The following PCDH15 variants were observed in gnomAD, a reference collection of about 807,000 sequenced individuals.
The protein encoded by PCDH15 is protocadherin-15.
Under a neutral mutation model 178.5 loss-of-function variants are expected in PCDH15, and 129 were observed. The observed-to-expected ratio is 0.72, with a 90% CI of 0.63 to 0.84. The LOEUF is 0.84. PCDH15 is among the 40% of genes least tolerant of loss of function. The pLI, the probability that PCDH15 is intolerant of heterozygous loss-of-function variation, is 0.00. For missense variants in PCDH15, 2,230 were observed against 2,099.9 expected, an observed-to-expected ratio of 1.06 and a Z score of -1.21; for synonymous variants, 800 against 732.0, an observed-to-expected ratio of 1.09 and a Z score of -1.50.
At chr10:55,254,058 A>G (rs1156948946) in intron 1 of PCDH15, among the ~76,000 whole-genome samples, 1 of 152,142 alleles carries the variant, frequency 6.6e-6, no homozygotes, top group African/African-American at 2.4e-5. Flanking sequence ...AAGCTACTTG[A>G]TTGTTACTGG....
intron 3 of PCDH15, among the ~76,000 whole-genome samples, chr10:54,462,680 AT>A (rs767750465): frequency 0.027 from 1,489 of 56,148 alleles, 22 homozygotes; most frequent in African/African-American, 0.09. Flanking sequence ...CACCTGCTTA[AT>A]TTTTTTTTTT....
chr10:54,110,318 TAA>T (rs35932845), intron 15 of PCDH15, among the ~76,000 whole-genome samples: 12 of 135,694 alleles, frequency 8.8e-5, no homozygotes, highest in Non-Finnish European at 1.1e-4. Context: ...GTGGAAAGAT[TAA>T]AAAAAAAAAA....
intron 1 of PCDH15, among the ~76,000 whole-genome samples, chr10:54,724,190 G>C (rs1942102428): frequency 6.6e-6 from 1 of 151,658 alleles, no homozygotes; most frequent in African/African-American, 2.4e-5. Context: ...TATACATCAT[G>C]ACAAACTGTG....
In PCDH15 at chr10:54,155,104, T is replaced by C. The variant is rs539436988; in HGVS notation, c.1591-1811A>G. On this transcript the variant is annotated intron_variant, in intron 13 of 37. Coordinates refer to ENST00000644397, the MANE Select transcript of PCDH15 (RefSeq NM_001384140.1). ...TTGGATTCAATATTAACATTCTTCCTGGGACTTAAATTGGCTAAAGGAATG... is the reference window on the plus strand; with the variant it reads ...TTGGATTCAATATTAACATTCTTCCCGGGACTTAAATTGGCTAAAGGAATG... Among the ~76,000 whole-genome samples, 179 of 152,306 alleles carry C rather than the reference T, an allele frequency of 1.2e-3. 5 individuals are homozygous for C. In the South Asian group the frequency reaches 0.035, roughly 29 times the overall value.
In PCDH15 at chr10:53,937,300, T is replaced by C. The variant is rs183097855; in HGVS notation, c.3373+1515A>G. ...CCTAAAATTTTTCTTTCTTAAACTG[T>C]TCATTTGTTTCAAGGAAAGAGTGCA... On this transcript the variant is annotated intron_variant, in intron 25 of 37. Transcript: ENST00000644397. Among the ~76,000 whole-genome samples, 50 of 152,318 alleles carry C rather than the reference T, an allele frequency of 3.3e-4. 2 individuals carry two copies. The East Asian group carries it at 9.3e-3, about 28-fold the overall frequency.
chr10:55,551,176 CA>C (rs772707161), intron 2 of PCDH15, among the ~76,000 whole-genome samples: 34 of 152,080 alleles, frequency 2.2e-4, no homozygotes, highest in Non-Finnish European at 4.4e-4. Context: ...GGTAAAATAT[CA>C]AAATTTCTCT....
intron 3 of PCDH15, among the ~76,000 whole-genome samples, chr10:54,868,725 G>A (rs1953982860): frequency 6.6e-6 from 1 of 152,098 alleles, no homozygotes; most frequent in Non-Finnish European, 1.5e-5. Context: ...GTGTATCACA[G>A]AGTCAATATA....
At chr10:54,819,650 G>T (rs1953004876) in intron 3 of PCDH15, among the ~76,000 whole-genome samples, 1 of 151,776 alleles carries the variant, frequency 6.6e-6, no homozygotes, top group South Asian at 2.1e-4. Flanking sequence ...TGTTAGTGTG[G>T]CATTCAATAA....
intron 2 of PCDH15, among the ~76,000 whole-genome samples, chr10:55,440,707 C>G (rs531500316): frequency 1.3e-5 from 2 of 152,224 alleles, no homozygotes; most frequent in South Asian, 2.1e-4. Context: ...GAGTAAAAAG[C>G]ACTCCGGGCA....
intron 8 of PCDH15, among the ~76,000 whole-genome samples, chr10:54,265,890 T>C (rs2057645619): frequency 6.6e-6 from 1 of 151,862 alleles, no homozygotes; most frequent in Non-Finnish European, 1.5e-5. Context: ...TCTAAACAAA[T>C]AAATTCTGGA....
intron 2 of PCDH15, among the ~76,000 whole-genome samples, chr10:55,473,589 T>C (rs1840007487): frequency 1.3e-5 from 2 of 152,158 alleles, no homozygotes; most frequent in Admixed American, 6.5e-5. Flanking sequence ...GTTGCGACAG[T>C]ATTCACATAG....
chr10:54,486,401 T>C (rs1032650813), intron 3 of PCDH15: 4 of 152,090 alleles, frequency 2.6e-5, no homozygotes, highest in Admixed American at 2.0e-4. Flanking sequence ...TTTACTATTT[T>C]ATATTCTTAA....
At chr10:54,058,630 T>C (rs2093949646) in intron 18 of PCDH15, among the ~76,000 whole-genome samples, 1 of 152,102 alleles carries the variant, frequency 6.6e-6, no homozygotes, top group Non-Finnish European at 1.5e-5. Context: ...CCAAACCATA[T>C]GGTTGGGGAT....
intron 3 of PCDH15, among the ~76,000 whole-genome samples, chr10:54,830,177 G>A (rs548705253): frequency 3.3e-5 from 5 of 152,244 alleles, no homozygotes; most frequent in Admixed American, 6.5e-5. Flanking sequence ...TCAATGTGGC[G>A]ATTCCTCAGG....
At chr10:54,805,223 C>T (rs2133721982), upstream of PCDH15, among the ~76,000 whole-genome samples, 1 of 151,666 alleles carries the variant, frequency 6.6e-6, no homozygotes, top group African/African-American at 2.4e-5. Flanking sequence ...GTCCTGGAGT[C>T]AATAGGAACT....
chr10:53,895,953 A>C (rs1291013882), intron 26 of PCDH15, among the ~76,000 whole-genome samples: 4 of 152,202 alleles, frequency 2.6e-5, no homozygotes, highest in East Asian at 1.9e-4. Context: ...CTAACTTTAA[A>C]TTCCAACTTC....
intron 2 of PCDH15, among the ~76,000 whole-genome samples, chr10:55,165,646 G>A (rs934564055): frequency 3.3e-5 from 5 of 151,966 alleles, no homozygotes; most frequent in Admixed American, 1.3e-4. Flanking sequence ...TCATATACTC[G>A]TGGATGAAAG....
At chr10:55,480,215 T>C (rs1840150284) in intron 2 of PCDH15, among the ~76,000 whole-genome samples, 1 of 151,728 alleles carries the variant, frequency 6.6e-6, no homozygotes, top group African/African-American at 2.4e-5. Flanking sequence ...CTTATCAGTG[T>C]AAGAAGCTCT....
intron 2 of PCDH15, among the ~76,000 whole-genome samples, chr10:55,341,803 ATATTTTTTTTTTTTTT>A (rs1161711722): frequency 3.5e-4 from 4 of 11,324 alleles, no homozygotes; most frequent in South Asian, 3.4e-3. Context: ...ATATATATAT[ATATTTTTTTTTTTTTT>A]TTTTTTTTTT....
Sources: allele counts gnomAD v4.1 joint callset (sites outside exome capture counted in the v4.1 genomes callset), GRCh38; gene constraint gnomAD v4.1.1; transcripts MANE v1.5; gene names NCBI Gene and HGNC (gene_info 2026-07-23, HGNC 2026-07-21).